PANX1: variants seen among roughly 807,000 people sequenced by gnomAD.
PANX1 encodes the protein pannexin-1.
Under a neutral mutation model 38.7 loss-of-function variants are expected in PANX1, and 30 were observed. The ratio of observed to expected loss-of-function variants is 0.78; its 90% confidence interval spans 0.58 to 1.05. The LOEUF is 1.05. PANX1 is among the 50% of genes least tolerant of loss of function. The probability of loss-of-function intolerance (pLI) is 0.00; values close to 1 mark genes in which losing one functional copy is unlikely to be tolerated. For missense variants in PANX1, 551 were observed against 517.2 expected, an observed-to-expected ratio of 1.07 and a Z score of -0.63; for synonymous variants, 230 against 212.2, an observed-to-expected ratio of 1.08 and a Z score of -0.73.
chr11:94,160,608 C>G (rs182589735), intron 2 of PANX1, among the ~76,000 whole-genome samples: 10 of 152,106 alleles, frequency 6.6e-5, no homozygotes, highest in Non-Finnish European at 1.5e-4. Context: ...TTATTTTGAG[C>G]CTATGTTTGT....
chr11:94,168,231 A>G (rs1947124210), intron 2 of PANX1, among the ~76,000 whole-genome samples: 1 of 152,302 alleles, frequency 6.6e-6, no homozygotes, highest in East Asian at 1.9e-4. Context: ...GAGGGTGGGA[A>G]GCACTTTCTG....
chr11:94,162,905 T>A (rs1947063299), intron 2 of PANX1, among the ~76,000 whole-genome samples: 1 of 131,128 alleles, frequency 7.6e-6, no homozygotes, highest in Non-Finnish European at 1.5e-5. Flanking sequence ...AGGGTCTCAC[T>A]TTGTCACCCA....
intron 2 of PANX1, among the ~76,000 whole-genome samples, chr11:94,164,057 C>T (rs1291228846): frequency 6.6e-6 from 1 of 151,108 alleles, no homozygotes; most frequent in African/African-American, 2.4e-5. Context: ...CTTTGAATTT[C>T]TGTGGTATGA....
intron 1 of PANX1, among the ~76,000 whole-genome samples, chr11:94,129,763 C>T (rs1287491824): frequency 6.6e-6 from 1 of 152,154 alleles, no homozygotes; most frequent in Non-Finnish European, 1.5e-5. Context: ...TTATGTTCCA[C>T]CCTTAGAACT....
intron 2 of PANX1, among the ~76,000 whole-genome samples, chr11:94,166,077 G>T (rs370590667): frequency 6.6e-6 from 1 of 151,908 alleles, no homozygotes; most frequent in South Asian, 2.1e-4. Context: ...CCTCGCTTTC[G>T]ACTTCTTGTC....
At chr11:94,159,011 C>T (rs536420154) in intron 2 of PANX1, among the ~76,000 whole-genome samples, 16 of 152,140 alleles carry the variant, frequency 1.1e-4, no homozygotes, top group Non-Finnish European at 1.6e-4. Flanking sequence ...GATAATCATA[C>T]GGTTTTTGTC....
intron 2 of PANX1, among the ~76,000 whole-genome samples, chr11:94,163,806 TGTTA>T (rs548356795): frequency 1.3e-3 from 194 of 152,268 alleles, no homozygotes; most frequent in Middle Eastern, 6.8e-3. Flanking sequence ...GTAGGGTTGG[TGTTA>T]GTTCTTTTTT....
intron 2 of PANX1, among the ~76,000 whole-genome samples, chr11:94,158,938 A>G (rs1030019983): frequency 2.6e-5 from 4 of 152,200 alleles, no homozygotes; most frequent in Non-Finnish European, 5.9e-5. Context: ...TACGTAATTT[A>G]TTGAGAGTTT....
At chr11:94,142,396 C>T (rs906940232) in intron 1 of PANX1, among the ~76,000 whole-genome samples, 2 of 152,270 alleles carry the variant, frequency 1.3e-5, no homozygotes, top group East Asian at 3.9e-4. Context: ...TGCCTTTACT[C>T]ATAAATTTAA....
chr11:94,137,750 ATATT>A (rs1007143054), intron 1 of PANX1, among the ~76,000 whole-genome samples: 1 of 149,858 alleles, frequency 6.7e-6, no homozygotes. Context: ...TAAAATATAA[ATATT>A]TATATATGTA....
At chr11:94,159,823 G>A (rs1196565798) in intron 2 of PANX1, among the ~76,000 whole-genome samples, 8 of 151,596 alleles carry the variant, frequency 5.3e-5, no homozygotes, top group South Asian at 2.1e-4. Context: ...TGATGTTAGC[G>A]TGTCAATTTT....
chr11:94,159,527 A>G lies in PANX1; in HGVS notation c.321+5897A>G, dbSNP rs1946995511. 1.3e-5 allele frequency among the ~76,000 whole-genome samples: 2 copies of G among 151,434 alleles called. 1 individual carries two copies. The highest frequency in any genetic ancestry group is 4.2e-4 in the South Asian group (2 of 4,804). ...ATTTATCCATTTCTTCGAGGTGTTT[A>G]TAGTATTCTCAGATGGTAGTTTGTA... On this transcript the variant is annotated intron_variant, in intron 2 of 4. Transcript: ENST00000227638.
At chr11:94,163,909 C>G (rs533984773) in intron 2 of PANX1, among the ~76,000 whole-genome samples, 1 of 152,238 alleles carries the variant, frequency 6.6e-6, no homozygotes, top group Admixed American at 6.5e-5. Context: ...TCCCTTGTTA[C>G]TTGCTATTGG....
chr11:94,143,209 G>C (rs1033525748), intron 1 of PANX1, among the ~76,000 whole-genome samples: 2 of 152,206 alleles, frequency 1.3e-5, no homozygotes, highest in Non-Finnish European at 2.9e-5. Flanking sequence ...GCATCTTTGA[G>C]GGAGAGATGA....
chr11:94,180,182 G>C lies in PANX1; in HGVS notation c.1126G>C (p.Asp376His), dbSNP rs1466571744. ...GACAAACCTTGGCATGATCAAGATG[G>C]ATGTTGTTGATGGCAAAACTCCCAT... ...LLTNLGMIKM[D>H]VVDGKTPMSA... The change falls in exon 4 of 5, where the codon GAT (aspartate) becomes CAT (histidine). Residue 376 changes from aspartate to histidine, a missense_variant. Asp to His is a moderately conservative substitution (Grantham distance 81). Transcript: ENST00000227638. 1.2e-6 allele frequency: 2 copies of C among 1,613,814 alleles called. No individual in the cohort carries two copies. Among genetic ancestry groups the C allele is most frequent in the Non-Finnish European group, 1.7e-6 (2 of 1,179,908 alleles).
In PANX1 at chr11:94,179,954, C is replaced by T. The variant is rs751832105; in HGVS notation, c.898C>T (p.Arg300Ter). 2.7e-5 allele frequency: 43 copies of T among 1,600,560 alleles called. No homozygotes were observed. Among genetic ancestry groups the T allele is most frequent in the South Asian group, 2.0e-4 (18 of 89,284 alleles). The change falls in exon 4 of 5, where the codon CGA (arginine) becomes TGA (stop). Residue 300 changes from arginine (R) to a stop codon, truncating the protein, a stop_gained. Coordinates refer to ENST00000227638, the MANE Select transcript of PANX1 (RefSeq NM_015368.4). LOFTEE classifies it high-confidence loss of function. ...VVVYTLFVPF[R>*]QKTDVLKVYE... Reference sequence around the variant, plus strand: ...TGTCTACACGCTGTTTGTTCCATTCCGACAGAAGACAGATGTTCTCAAAGT... The same window carrying T: ...TGTCTACACGCTGTTTGTTCCATTCTGACAGAAGACAGATGTTCTCAAAGT...
chr11:94,150,312 C>A (rs1011112547), intron 1 of PANX1, among the ~76,000 whole-genome samples: 11 of 152,036 alleles, frequency 7.2e-5, no homozygotes, highest in African/African-American at 2.2e-4. Flanking sequence ...AATGTTGAGC[C>A]CCAGGAGTGG....
At chr11:94,134,249 G>C (rs914427492) in intron 1 of PANX1, among the ~76,000 whole-genome samples, 2 of 152,178 alleles carry the variant, frequency 1.3e-5, no homozygotes, top group African/African-American at 4.8e-5. Flanking sequence ...AAGCTGCTGG[G>C]AGACAGTGCC....
chr11:94,131,364 A>G (rs868256588), intron 1 of PANX1, among the ~76,000 whole-genome samples: 19 of 152,330 alleles, frequency 1.2e-4, no homozygotes, highest in Non-Finnish European at 2.1e-4. Context: ...TTTAACTAGC[A>G]AGAGTTTGAG....
Sources: allele counts gnomAD v4.1 joint callset (sites outside exome capture counted in the v4.1 genomes callset), GRCh38; gene constraint gnomAD v4.1.1; transcripts MANE v1.5; gene names NCBI Gene and HGNC (gene_info 2026-07-23, HGNC 2026-07-21).